Variants in KCNQ3 observed in about 807,000 individuals in gnomAD.
The protein encoded by KCNQ3 is potassium voltage-gated channel subfamily KQT member 3.
Under a neutral mutation model 92.5 loss-of-function variants are expected in KCNQ3, and 30 were observed. The ratio of observed to expected loss-of-function variants is 0.32; its 90% CI spans 0.24 to 0.44. The LOEUF (loss-of-function observed/expected upper bound fraction) is 0.44, where lower values mean the gene tolerates loss of function less well. Ranked by LOEUF, KCNQ3 falls within the 20% of genes least tolerant of loss-of-function variation. The pLI is 1.00. For missense variants in KCNQ3, 913 were observed against 1,140.3 expected, an observed-to-expected ratio of 0.80 and a Z score of 2.87; for synonymous variants, 450 against 468.8, an observed-to-expected ratio of 0.96 and a Z score of 0.52.
intron 1 of KCNQ3, among the ~76,000 whole-genome samples, chr8:132,192,477 G>T (rs1457075379): frequency 6.6e-6 from 1 of 152,172 alleles, no homozygotes; most frequent in Non-Finnish European, 1.5e-5. Flanking sequence ...TCTCCTGGGG[G>T]TCTTGACGTG....
chr8:132,151,381 C>A (rs1188333996), intron 9 of KCNQ3, among the ~76,000 whole-genome samples: 1 of 152,138 alleles, frequency 6.6e-6, no homozygotes, highest in Non-Finnish European at 1.5e-5. Flanking sequence ...AATATAAATT[C>A]TTGCCTAAGG....
intron 1 of KCNQ3, among the ~76,000 whole-genome samples, chr8:132,341,650 G>T (rs1032250437): frequency 2.0e-5 from 3 of 152,312 alleles, no homozygotes; most frequent in African/African-American, 7.2e-5. Flanking sequence ...TCCACTGTGG[G>T]CTTAATCCAG....
intron 1 of KCNQ3, among the ~76,000 whole-genome samples, chr8:132,270,472 C>A (rs1586883009): frequency 6.6e-6 from 1 of 152,314 alleles, no homozygotes; most frequent in East Asian, 1.9e-4. Flanking sequence ...CCTTTTATCT[C>A]TTACTCTGGA....
intron 1 of KCNQ3, among the ~76,000 whole-genome samples, chr8:132,400,396 A>C (rs931786861): frequency 6.6e-6 from 1 of 152,180 alleles, no homozygotes; most frequent in Non-Finnish European, 1.5e-5. Flanking sequence ...CGTTTCATAC[A>C]ATAACCTAAA....
intron 1 of KCNQ3, among the ~76,000 whole-genome samples, chr8:132,435,670 C>G (rs1821374850): frequency 6.6e-6 from 1 of 151,958 alleles, no homozygotes; most frequent in South Asian, 2.1e-4. Context: ...AAGCATAGAC[C>G]ATTTTTTTCT....
intron 4 of KCNQ3, among the ~76,000 whole-genome samples, chr8:132,179,635 C>T (rs62519585): frequency 0.051 from 7,790 of 152,252 alleles, 315 homozygotes; most frequent in Non-Finnish European, 0.074. Context: ...CATATCAATT[C>T]ATTTCATCTT....
At chr8:132,436,518 T>A (rs1821399378) in intron 1 of KCNQ3, among the ~76,000 whole-genome samples, 1 of 152,214 alleles carries the variant, frequency 6.6e-6, no homozygotes, top group Non-Finnish European at 1.5e-5. Context: ...TACCTTACCT[T>A]ACAATGAATG....
intron 1 of KCNQ3, among the ~76,000 whole-genome samples, chr8:132,357,475 G>A (rs1448019700): frequency 6.6e-6 from 1 of 152,164 alleles, no homozygotes; most frequent in South Asian, 2.1e-4. Context: ...TGATTGTGCT[G>A]GCACCAGGGT....
chr8:132,268,957 T>C (rs1456738971), intron 1 of KCNQ3, among the ~76,000 whole-genome samples: 10 of 152,224 alleles, frequency 6.6e-5, no homozygotes, highest in Admixed American at 6.5e-4. Context: ...TTTATTTTTA[T>C]TTGGATTTCC....
chr8:132,373,260 T>G (rs1819524024), intron 1 of KCNQ3, among the ~76,000 whole-genome samples: 1 of 152,106 alleles, frequency 6.6e-6, no homozygotes, highest in South Asian at 2.1e-4. Flanking sequence ...GACCTACACC[T>G]GGGGTAAGTC....
chr8:132,138,856 G>A (rs918872924), intron 11 of KCNQ3, among the ~76,000 whole-genome samples: 2 of 152,148 alleles, frequency 1.3e-5, no homozygotes, highest in Non-Finnish European at 2.9e-5. Flanking sequence ...TTGGTATATT[G>A]ATTATGGTAC....
chr8:132,299,031 T>C (rs922096681), intron 1 of KCNQ3, among the ~76,000 whole-genome samples: 2 of 152,066 alleles, frequency 1.3e-5, no homozygotes, highest in African/African-American at 4.8e-5. Flanking sequence ...GAGTAGTCTG[T>C]CTCTTATTCT....
At position 132,458,807 on chromosome 8, in the gene KCNQ3, T is replaced by C. The variant is rs376215483; in HGVS notation, c.386+21340A>G. Among the ~76,000 whole-genome samples the C allele has an allele frequency of 1.4e-4, 22 of 152,392 alleles. 1 individual carries two copies. The East Asian group carries it at 1.5e-3, about 11-fold the overall frequency. On this transcript the variant is annotated intron_variant, in intron 1 of 14. Transcript: ENST00000388996. ...CTGATACTGTAGTACAGAATTCCCATATAACCTGCAGCCAGTTTCCCCTAT... is the reference window on the plus strand; with the variant it reads ...CTGATACTGTAGTACAGAATTCCCACATAACCTGCAGCCAGTTTCCCCTAT...
chr8:132,313,097 G>A (rs538093066), intron 1 of KCNQ3, among the ~76,000 whole-genome samples: 6 of 152,276 alleles, frequency 3.9e-5, no homozygotes, highest in African/African-American at 9.6e-5. Context: ...AGCAATCCAC[G>A]TAACCCTGCC....
chr8:132,296,394 T>TTTA (rs1041337521), intron 1 of KCNQ3, among the ~76,000 whole-genome samples: 2 of 151,918 alleles, frequency 1.3e-5, no homozygotes, highest in South Asian at 2.1e-4. Context: ...TTTATTTTAT[T>TTTA]TTATTATTAT....
intron 1 of KCNQ3, among the ~76,000 whole-genome samples, chr8:132,434,123 G>C (rs1821323508): frequency 6.9e-6 from 1 of 145,664 alleles, no homozygotes; most frequent in Non-Finnish European, 1.5e-5. Flanking sequence ...CAGGAGAATG[G>C]CGTGAACCCG....
intron 1 of KCNQ3, among the ~76,000 whole-genome samples, chr8:132,286,020 A>C (rs1816670028): frequency 6.6e-6 from 1 of 152,152 alleles, no homozygotes; most frequent in Admixed American, 6.5e-5. Flanking sequence ...GCAGAATGTA[A>C]GAGTTATGGA....
intron 1 of KCNQ3, among the ~76,000 whole-genome samples, chr8:132,352,515 G>C (rs536037560): frequency 6.6e-6 from 1 of 152,102 alleles, no homozygotes; most frequent in African/African-American, 2.4e-5. Flanking sequence ...TCACTGCCCC[G>C]AGCTGCTGTG....
In KCNQ3 at chr8:132,129,301, A is replaced by C. The variant is rs749089892; in HGVS notation, c.2580T>G (p.Ile860Met). 1 of 1,613,970 alleles carries C rather than the reference A, an allele frequency of 6.2e-7. No individual in the cohort carries two copies. The highest frequency in any genetic ancestry group is 8.5e-7 in the Non-Finnish European group (1 of 1,180,034). ...SMPLSSTGDG[I>M]SDSVWTPSNK... ...TGGAAGGGGTCCATACTGAATCAGA[A>C]ATCCCATCCCCTGTGGACGACAGAG... is the stretch of plus-strand genomic sequence containing the variant. The change falls in exon 15 of 15, where the codon ATT (isoleucine) becomes ATG (methionine). Residue 860 changes from isoleucine (I) to methionine (M), a missense_variant. Around this residue, in one of 6 missense-constraint regions of KCNQ3, gnomAD observed 375 missense variants for 376.4 expected, o/e 1.00. Transcript: ENST00000388996. This position sits in a 1 kb window ranked among gnomAD's most constrained non-coding sequence, Gnocchi z 5.9.
Sources: gnomAD v4.1 joint callset for allele counts (sites outside exome capture counted in the v4.1 genomes callset) on GRCh38, gnomAD v4.1.1 for gene constraint, gnomAD v4.1.1 regional missense constraint, Gnocchi (gnomAD v3.1) non-coding constraint, MANE v1.5 for transcripts, NCBI Gene and HGNC (gene_info 2026-07-23, HGNC 2026-07-21) for gene names.